UQCC1: variants seen among roughly 807,000 people sequenced by gnomAD.
UQCC1 encodes ubiquinol-cytochrome c reductase complex assembly factor 1, also known as bFGF-repressed Zic-binding protein.
In UQCC1, 38 loss-of-function variants were observed where a neutral mutation model predicts 48.0. The observed-to-expected ratio is 0.79, with a 90% confidence interval of 0.61 to 1.04. UQCC1 has a LOEUF of 1.04. Among genes scored for constraint, UQCC1 ranks in the 50% least tolerant of loss-of-function variants. The probability of loss-of-function intolerance (pLI) is 0.00; values close to 1 mark genes in which losing one functional copy is unlikely to be tolerated. For missense variants in UQCC1, 368 were observed against 381.8 expected, an observed-to-expected ratio of 0.96 and a Z score of 0.30; for synonymous variants, 111 against 129.2, an observed-to-expected ratio of 0.86 and a Z score of 0.95.
chr20:35,329,807 G>A (rs116222380), intron 7 of UQCC1, among the ~76,000 whole-genome samples: 1,965 of 152,302 alleles, frequency 0.013, 33 homozygotes, highest in African/African-American at 0.045. Context: ...GAGAGGCATA[G>A]TCAACCCCAA....
intron 1 of UQCC1, among the ~76,000 whole-genome samples, chr20:35,406,524 G>GA (rs566957824): frequency 3.2e-4 from 48 of 152,186 alleles, no homozygotes; most frequent in Admixed American, 7.2e-4. Context: ...AAAAGTGAAG[G>GA]AAAAAATGAA....
chr20:35,404,548 AAG>A (rs2062221295), intron 1 of UQCC1, among the ~76,000 whole-genome samples: 1 of 152,140 alleles, frequency 6.6e-6, no homozygotes, highest in Admixed American at 6.6e-5. Context: ...TCAAAAAAAA[AAG>A]AGATATACCT....
intron 3 of UQCC1, among the ~76,000 whole-genome samples, chr20:35,383,393 C>T (rs2061899864): frequency 6.6e-6 from 1 of 152,148 alleles, no homozygotes; most frequent in Non-Finnish European, 1.5e-5. Flanking sequence ...AGGACATAGC[C>T]TCAGAAGGCT....
intron 7 of UQCC1, among the ~76,000 whole-genome samples, chr20:35,320,592 C>T (rs1379852786): frequency 6.6e-6 from 1 of 152,212 alleles, no homozygotes; most frequent in Non-Finnish European, 1.5e-5. Flanking sequence ...GTTCCAGTGG[C>T]AGCTAGAGAC....
At chr20:35,388,681 G>A (rs2061977437) in intron 2 of UQCC1, among the ~76,000 whole-genome samples, 1 of 152,298 alleles carries the variant, frequency 6.6e-6, no homozygotes, top group African/African-American at 2.4e-5. Flanking sequence ...GCTATATCAA[G>A]CTGCCTTCAA....
intron 2 of UQCC1, among the ~76,000 whole-genome samples, chr20:35,393,651 C>A (rs1175070070): frequency 6.6e-6 from 1 of 151,190 alleles, no homozygotes; most frequent in Admixed American, 6.6e-5. Context: ...AGGAGGGACA[C>A]AAGGTCCAAG....
At chr20:35,323,927 G>A (rs2061160799) in intron 7 of UQCC1, among the ~76,000 whole-genome samples, 1 of 152,184 alleles carries the variant, frequency 6.6e-6, no homozygotes, top group Non-Finnish European at 1.5e-5. Context: ...GCTTCTGAGA[G>A]TACAAACAAC....
chr20:35,347,566 G>A (rs1443746851), intron 6 of UQCC1, among the ~76,000 whole-genome samples: 1 of 151,988 alleles, frequency 6.6e-6, no homozygotes, highest in Non-Finnish European at 1.5e-5. Flanking sequence ...CTCATACCTG[G>A]AGGGAACCAC....
intron 5 of UQCC1, among the ~76,000 whole-genome samples, chr20:35,372,317 A>C (rs1290990346): frequency 5.9e-5 from 9 of 152,116 alleles, no homozygotes; most frequent in Middle Eastern, 3.4e-3. Flanking sequence ...TCAAAAAAAA[A>C]AAAAGAAAAA....
At chr20:35,404,493 T>C (rs112466561) in intron 1 of UQCC1, among the ~76,000 whole-genome samples, 10 of 151,964 alleles carry the variant, frequency 6.6e-5, no homozygotes, top group African/African-American at 2.4e-4. Context: ...TGAGCTGAGA[T>C]TGCGCCAGTG....
At chr20:35,397,566 A>G (rs2062100409) in intron 1 of UQCC1, among the ~76,000 whole-genome samples, 1 of 151,932 alleles carries the variant, frequency 6.6e-6, no homozygotes, top group Non-Finnish European at 1.5e-5. Context: ...AACATGCCAT[A>G]CTAAACATGT....
At chr20:35,328,987 T>C (rs1482817077) in intron 7 of UQCC1, among the ~76,000 whole-genome samples, 1 of 152,210 alleles carries the variant, frequency 6.6e-6, no homozygotes, top group Non-Finnish European at 1.5e-5. Flanking sequence ...GGGATTAGCA[T>C]GTGGCGAGAG....
intron 7 of UQCC1, among the ~76,000 whole-genome samples, chr20:35,334,128 C>T (rs1274511580): frequency 1.3e-5 from 2 of 152,110 alleles, no homozygotes; most frequent in East Asian, 3.9e-4. Context: ...TTTCAAGAGC[C>T]CAACCTGAGC....
intron 7 of UQCC1, among the ~76,000 whole-genome samples, chr20:35,329,630 G>A (rs2061234856): frequency 1.3e-5 from 2 of 152,226 alleles, no homozygotes; most frequent in Admixed American, 1.3e-4. Flanking sequence ...ACCCAGGGCA[G>A]CTGAAAGAAA....
chr20:35,391,669 C>T (rs569981093), intron 2 of UQCC1, among the ~76,000 whole-genome samples: 4 of 149,606 alleles, frequency 2.7e-5, no homozygotes, highest in Admixed American at 6.7e-5. Flanking sequence ...AGATTGGAGA[C>T]GACTAAGAAT....
intron 6 of UQCC1, among the ~76,000 whole-genome samples, chr20:35,353,106 CA>C (rs1716395476): frequency 6.6e-6 from 1 of 151,830 alleles, no homozygotes; most frequent in African/African-American, 2.4e-5. Flanking sequence ...ATGTCAGAGT[CA>C]AAAAGTTTTT....
At chr20:35,341,324 T>C (rs1047241103) in intron 7 of UQCC1, among the ~76,000 whole-genome samples, 7 of 151,998 alleles carry the variant, frequency 4.6e-5, no homozygotes, top group Non-Finnish European at 8.8e-5. Context: ...CATTAGAAGA[T>C]GGAAAAGTAT....
chr20:35,316,095 C>T (rs1658391673), intron 7 of UQCC1, among the ~76,000 whole-genome samples: 1 of 152,158 alleles, frequency 6.6e-6, no homozygotes, highest in African/African-American at 2.4e-5. Flanking sequence ...TTTTATTCCT[C>T]TTCAGGATCC....
chr20:35,320,997 C>T (rs1046077629), intron 7 of UQCC1, among the ~76,000 whole-genome samples: 1 of 152,202 alleles, frequency 6.6e-6, no homozygotes, highest in Non-Finnish European at 1.5e-5. Context: ...GTGCCAACGC[C>T]ATGTTCTACA....
Sources: allele counts gnomAD v4.1 joint callset (sites outside exome capture counted in the v4.1 genomes callset), GRCh38; gene constraint gnomAD v4.1.1; transcripts MANE v1.5; gene names NCBI Gene and HGNC (gene_info 2026-07-23, HGNC 2026-07-21).